PDE3A: variants seen among roughly 807,000 people sequenced by gnomAD.
The protein encoded by PDE3A is phosphodiesterase 3A.
In PDE3A, 43 loss-of-function variants were observed where a neutral mutation model predicts 98.3. The observed-to-expected ratio is 0.44, with a 90% CI of 0.34 to 0.56. The LOEUF is 0.56. PDE3A is among the 20% of genes least tolerant of loss of function. The pLI is 0.01. For missense variants in PDE3A, 1,427 were observed against 1,440.7 expected (o/e 0.99, Z 0.15); for synonymous variants, 663 against 567.9 (o/e 1.17, Z -2.38).
At chr12:20,444,033 G>A (rs1284547281) in intron 1 of PDE3A, among the ~76,000 whole-genome samples, 1 of 152,164 alleles carries the variant, frequency 6.6e-6, no homozygotes, top group East Asian at 1.9e-4. Context: ...GAAGTTAAGA[G>A]ACAAGAGAGC....
At chr12:20,431,613 A>ACACACACATG (rs1555145394) in intron 1 of PDE3A, among the ~76,000 whole-genome samples, 1 of 150,808 alleles carries the variant, frequency 6.6e-6, no homozygotes, top group Non-Finnish European at 1.5e-5. Flanking sequence ...ACACACACAC[A>ACACACACATG]CACACACACG....
intron 15 of PDE3A, among the ~76,000 whole-genome samples, chr12:20,659,223 T>C (rs1945106064): frequency 6.6e-6 from 1 of 152,166 alleles, no homozygotes; most frequent in Non-Finnish European, 1.5e-5. Context: ...AATTTAATAA[T>C]TGTCATTCTG....
At chr12:20,615,420 T>TAATC (rs887574168) in intron 3 of PDE3A, among the ~76,000 whole-genome samples, 5 of 152,180 alleles carry the variant, frequency 3.3e-5, no homozygotes, top group African/African-American at 1.2e-4. Flanking sequence ...TAAGTTACAT[T>TAATC]AATCATAAGA....
intron 1 of PDE3A, among the ~76,000 whole-genome samples, chr12:20,481,392 C>A (rs1386815326): frequency 6.6e-6 from 1 of 152,086 alleles, no homozygotes; most frequent in Admixed American, 6.6e-5. Context: ...TTATTATATG[C>A]TCATTTAATT....
intron 1 of PDE3A, among the ~76,000 whole-genome samples, chr12:20,424,637 A>G (rs903727498): frequency 6.6e-6 from 1 of 152,174 alleles, no homozygotes; most frequent in Non-Finnish European, 1.5e-5. Flanking sequence ...CTTATGGATG[A>G]TTTATGTTGG....
At chr12:20,489,802 A>G (rs1945798718) in intron 1 of PDE3A, among the ~76,000 whole-genome samples, 1 of 152,174 alleles carries the variant, frequency 6.6e-6, no homozygotes, top group Admixed American at 6.5e-5. Context: ...GCTGGGAGAC[A>G]TTGATTGTTA....
chr12:20,513,476 CAT>C (rs1172148883), intron 1 of PDE3A, among the ~76,000 whole-genome samples: 1 of 152,120 alleles, frequency 6.6e-6, no homozygotes, highest in Non-Finnish European at 1.5e-5. Context: ...CCATCAATGA[CAT>C]ATACTTTCTC....
At chr12:20,495,032 A>T (rs1945895614) in intron 1 of PDE3A, among the ~76,000 whole-genome samples, 1 of 152,180 alleles carries the variant, frequency 6.6e-6, no homozygotes, top group South Asian at 2.1e-4. Flanking sequence ...TATTTATTTA[A>T]ACATAGTGTC....
chr12:20,604,908 C>T (rs1321919407), intron 2 of PDE3A, among the ~76,000 whole-genome samples: 3 of 152,204 alleles, frequency 2.0e-5, no homozygotes, highest in Admixed American at 6.5e-5. Flanking sequence ...TGCCAGTTTC[C>T]GTTTCTTTAT....
At chr12:20,569,995 G>C (rs1038259745) in intron 2 of PDE3A, among the ~76,000 whole-genome samples, 1 of 152,162 alleles carries the variant, frequency 6.6e-6, no homozygotes, top group Non-Finnish European at 1.5e-5. Flanking sequence ...GAAGGATATT[G>C]AAAAGCTGAT....
At position 20,541,075 on chromosome 12, in the gene PDE3A, C is replaced by CTTTTTTTTTTT. The variant is rs777927679; in HGVS notation, c.961-15556_961-15546dup. Among the ~76,000 whole-genome samples the CTTTTTTTTTTT allele has an allele frequency of 1.7e-4, 9 of 52,986 alleles. 2 individuals are homozygous for CTTTTTTTTTTT. Among genetic ancestry groups the CTTTTTTTTTTT allele is most frequent in the African/African-American group, 2.7e-4 (4 of 14,706 alleles). 34.8% of individuals were successfully genotyped at this position (52,986 alleles called of 152,430 possible). ...AATTGACAAGGACATTGGTAACTTT[C>CTTTTTTTTTTT]TTTTTTTTTTTTTTTTTTTTTTTTT... On this transcript the variant is annotated intron_variant, in intron 1 of 15. Transcript: ENST00000359062.
chr12:20,543,904 T>C (rs1941986904), intron 1 of PDE3A, among the ~76,000 whole-genome samples: 1 of 151,916 alleles, frequency 6.6e-6, no homozygotes, highest in African/African-American at 2.4e-5. Context: ...AATTGGATGC[T>C]ATTATTAGCT....
At chr12:20,515,826 G>A (rs7133176) in intron 1 of PDE3A, among the ~76,000 whole-genome samples, 2,822 of 147,820 alleles carry the variant, frequency 0.019, 80 homozygotes, top group African/African-American at 0.069. Flanking sequence ...TCCGCCTCCC[G>A]GGTTCACGCC....
At chr12:20,668,070 T>C (rs1288736738) in intron 15 of PDE3A, among the ~76,000 whole-genome samples, 1 of 152,092 alleles carries the variant, frequency 6.6e-6, no homozygotes, top group Non-Finnish European at 1.5e-5. Context: ...CCTTTCCCAG[T>C]CAAAGAAAGG....
At chr12:20,676,721 G>C (rs1037327955) in intron 15 of PDE3A, among the ~76,000 whole-genome samples, 1 of 151,940 alleles carries the variant, frequency 6.6e-6, no homozygotes, top group Non-Finnish European at 1.5e-5. Flanking sequence ...GGATTGTCTC[G>C]ATCTCCTGAC....
intron 2 of PDE3A, among the ~76,000 whole-genome samples, chr12:20,594,975 T>TTA (rs933498838): frequency 2.0e-5 from 3 of 152,064 alleles, no homozygotes; most frequent in African/African-American, 7.2e-5. Context: ...AGTTGGTATA[T>TTA]TATATATATA....
chr12:20,675,657 A>T (rs1307187942), intron 15 of PDE3A, among the ~76,000 whole-genome samples: 3 of 152,162 alleles, frequency 2.0e-5, no homozygotes, highest in Non-Finnish European at 4.4e-5. Flanking sequence ...TGGTGCATAT[A>T]TGTTTAGAAC....
chr12:20,466,984 C>A (rs1037889024), intron 1 of PDE3A, among the ~76,000 whole-genome samples: 1 of 152,100 alleles, frequency 6.6e-6, no homozygotes, highest in Non-Finnish European at 1.5e-5. Flanking sequence ...GAAATAAGCA[C>A]ATATTTTATT....
At chr12:20,618,322 C>T (rs574896873) in intron 4 of PDE3A, among the ~76,000 whole-genome samples, 22 of 151,752 alleles carry the variant, frequency 1.4e-4, no homozygotes, top group African/African-American at 5.3e-4. Context: ...GAGTTTTAGC[C>T]CTGAAATTGC....
Sources: gnomAD v4.1 joint callset for allele counts (sites outside exome capture counted in the v4.1 genomes callset) on GRCh38, gnomAD v4.1.1 for gene constraint, MANE v1.5 for transcripts, NCBI Gene and HGNC (gene_info 2026-07-23, HGNC 2026-07-21) for gene names.